The following NCKAP5L variants were observed in gnomAD, a reference collection of about 807,000 sequenced individuals.
The protein encoded by NCKAP5L is nck-associated protein 5-like.
NCKAP5L carries 54 observed loss-of-function variants against 103.2 expected under a neutral mutation model. The ratio of observed to expected loss-of-function variants is 0.52; its 90% CI spans 0.42 to 0.66. NCKAP5L has a LOEUF of 0.66. Among genes scored for constraint, NCKAP5L ranks in the 30% least tolerant of loss-of-function variants. NCKAP5L has a pLI of 0.00. For missense variants in NCKAP5L, 1,733 were observed against 1,750.6 expected, an observed-to-expected ratio of 0.99 and a Z score of 0.18; for synonymous variants, 762 against 748.6, an observed-to-expected ratio of 1.02 and a Z score of -0.29.
Position 49,797,252 on chromosome 12 carries a change from A to G in NCKAP5L, c.608T>C (p.Leu203Ser), listed in dbSNP as rs757296117. 5.7e-5 allele frequency: 92 copies of G among 1,613,520 alleles called. 1 individual carries two copies. In the South Asian group the frequency reaches 9.3e-4, roughly 16 times the overall value. ...GGGGGTGGCAGGTGAGCAGAGAAGC[A>G]AGGGGTCAGTCTCTTCCAGGGCTCT... The part of the protein sequence containing the change: ...VLRALEETDP[L>S]LLCSPATPWR... The change falls in exon 8 of 13, where the codon TTG becomes TCG. Residue 203 changes from leucine to serine, a missense_variant. Physicochemically the swap from Leu to Ser is moderately radical, Grantham distance 145. Transcript: ENST00000335999. The surrounding 1 kb of genome is among the most constrained non-coding windows in gnomAD (Gnocchi z 4.5).
At chr12:49,809,318 G>C (rs1375337157) in intron 1 of NCKAP5L, among the ~76,000 whole-genome samples, 1 of 152,162 alleles carries the variant, frequency 6.6e-6, no homozygotes, top group Non-Finnish European at 1.5e-5. Context: ...CCTGAACAGA[G>C]ACCAGGCATG....
rs1419940689 is a variant in NCKAP5L, at chr12:49,792,004, G to A, written c.3840C>T (p.Ser1280=). 1.9e-6 allele frequency: 3 copies of A among 1,582,300 alleles called. No individual in the cohort carries two copies. Among genetic ancestry groups the A allele is most frequent in the African/African-American group, 2.7e-5 (2 of 73,874 alleles). Residue 1280 remains serine (S), a synonymous_variant, in exon 13 of 13, where the codon TCC becomes TCT. Coordinates refer to ENST00000335999, the MANE Select transcript of NCKAP5L (RefSeq NM_001037806.4). This position sits in a 1 kb window ranked among gnomAD's most constrained non-coding sequence, Gnocchi z 4.5. ...RKRSQEPSRP[S]PTPQGPPFGG... Reference sequence around the variant, plus strand: ...CGAAAGGTGGGCCCTGGGGCGTAGGGGACGGGCGGCTGGGCTCCTGGCTTC... The same window carrying A: ...CGAAAGGTGGGCCCTGGGGCGTAGGAGACGGGCGGCTGGGCTCCTGGCTTC...
At position 49,792,194 on chromosome 12, in the gene NCKAP5L, A is replaced by C. The variant is rs1290625490; in HGVS notation, c.3793-143T>G. ...CCAAGGTGGGGTATACTTCAGAGGA[A>C]ACAGGCTGGAGGTACAACTGAGAAC... On this transcript the variant is annotated intron_variant, in intron 12 of 12. Transcript: ENST00000335999. The surrounding 1 kb of genome is among the most constrained non-coding windows in gnomAD (Gnocchi z 4.5). 2.9e-6 allele frequency: 3 copies of C among 1,041,570 alleles called. No individual in the cohort carries two copies. In the Admixed American group the frequency reaches 6.3e-5, roughly 22 times the overall value. The allele number at this position is 1,041,570 out of a possible 1,614,324, so 64.5% of individuals were successfully genotyped here.
chr12:49,797,412 G>A lies in NCKAP5L; in HGVS notation c.466-18C>T. 3 of 1,550,490 alleles carry A rather than the reference G, an allele frequency of 1.9e-6. No homozygotes were observed. Among genetic ancestry groups the A allele is most frequent in the Non-Finnish European group, 2.6e-6 (3 of 1,139,106 alleles). ...CAACATACCTTAGGGGAGAGATGATGGCATGAGGAGGAGACCACACACAGC... is the reference window on the plus strand; with the variant it reads ...CAACATACCTTAGGGGAGAGATGATAGCATGAGGAGGAGACCACACACAGC... On this transcript the variant is annotated intron_variant, in intron 7 of 12. Transcript: ENST00000335999. The surrounding 1 kb of genome is among the most constrained non-coding windows in gnomAD (Gnocchi z 4.5).
rs780880691 is a variant in NCKAP5L at position 49,795,927 on chromosome 12, G to A, written c.1933C>T (p.Pro645Ser). 2.6e-6 allele frequency: 4 copies of A among 1,527,566 alleles called. No homozygotes were observed. The African/African-American group carries it at 5.6e-5, about 21-fold the overall frequency. 94.6% of individuals were successfully genotyped at this position (1,527,566 alleles called of 1,614,324 possible). A position where few individuals can be genotyped will look rare whatever the true frequency, so the allele number is the denominator to read the frequency against. ...GGTCGCCGTCCTGACCCCTGGCTGG[G>A]CTTCTTGGATGAGTTGCCTGGGGTC... ...RRTPGNSSKKPSQGSGRRPGD... is the reference protein window; with the variant it reads ...RRTPGNSSKKSSQGSGRRPGD... The change falls in exon 8 of 13, where the codon CCC becomes TCC. Residue 645 changes from proline to serine, a missense_variant. Physicochemically the swap from Pro to Ser is moderately conservative, Grantham distance 74. Coordinates refer to ENST00000335999, the MANE Select transcript of NCKAP5L (RefSeq NM_001037806.4).
chr12:49,799,701 C>T (rs1261568824), intron 6 of NCKAP5L, among the ~76,000 whole-genome samples: 2 of 152,352 alleles, frequency 1.3e-5, no homozygotes, highest in African/African-American at 4.8e-5. Context: ...AACTCCTCTG[C>T]AGGCATTCCG....
At chr12:49,802,016 A>G in intron 5 of NCKAP5L, 49 bp from the exon 6 acceptor site, 1 of 1,604,332 alleles carries the variant, frequency 6.2e-7, no homozygotes, top group Non-Finnish European at 8.5e-7. Flanking sequence ...GGATGGTGGG[A>G]GAGTGTCACA....
In NCKAP5L at chr12:49,803,015, G is replaced by A. The variant is rs372660023; in HGVS notation, c.193-19C>T. The A allele has an allele frequency of 1.2e-5, 20 of 1,614,108 alleles. No individual in the cohort carries two copies. In the African/African-American group the frequency reaches 1.5e-4, roughly 12 times the overall value. ...TGGCAACCTGGGGACAGAAAGCCCCGAGGCAGAGCCATCAGCTGACCCCAG... is the reference window on the plus strand; with the variant it reads ...TGGCAACCTGGGGACAGAAAGCCCCAAGGCAGAGCCATCAGCTGACCCCAG... On this transcript the variant is annotated intron_variant, in intron 4 of 12. Coordinates refer to ENST00000335999, the MANE Select transcript of NCKAP5L (RefSeq NM_001037806.4).
rs778367098 is a variant in NCKAP5L, at chr12:49,791,831, G to A, written c.*8C>T. The stretch of plus-strand genomic sequence containing the variant: ...AGCTCCAGCGGGGCCGTGGCGTGGC[G>A]CAGCCCCTCAGCCCTGACTCCCACA... On this transcript the variant is annotated 3_prime_UTR_variant, in exon 13 of 13. Transcript: ENST00000335999. The A allele has an allele frequency of 1.7e-5, 27 of 1,579,454 alleles. No homozygotes were observed. The highest frequency in any genetic ancestry group is 8.9e-5 in the Admixed American group (5 of 56,194).
At chr12:49,821,287 G>A (rs1946359237) in intron 1 of NCKAP5L, among the ~76,000 whole-genome samples, 1 of 152,168 alleles carries the variant, frequency 6.6e-6, no homozygotes, top group Non-Finnish European at 1.5e-5. Context: ...AGCCTGGAAT[G>A]GAAAGAAAGC....
chr12:49,807,225 T>C (rs530861523), intron 1 of NCKAP5L, among the ~76,000 whole-genome samples: 1 of 151,016 alleles, frequency 6.6e-6, no homozygotes, highest in South Asian at 2.1e-4. Flanking sequence ...GGGATTACAG[T>C]GAAAAGAGAG....
At position 49,796,995 on chromosome 12, in the gene NCKAP5L, C is replaced by G; in HGVS notation, c.865G>C (p.Gly289Arg). The change falls in exon 8 of 13, where the codon GGC becomes CGC. Residue 289 changes from glycine (G) to arginine (R), a missense_variant. Gly to Arg is a moderately radical substitution (Grantham distance 125). Transcript: ENST00000335999. Reference protein sequence around the residue: ...GPPQAQGTSSGPNCAPGSSSS... With the variant: ...GPPQAQGTSSRPNCAPGSSSS... ...CTGCTGCCTGGGGCACAGTTTGGGC[C>G]AGAGCTGGTGCCCTGGGCCTGAGGA... 1 of 1,591,922 alleles carries G rather than the reference C, an allele frequency of 6.3e-7. No individual in the cohort carries two copies. Among genetic ancestry groups the G allele is most frequent in the Non-Finnish European group, 8.5e-7 (1 of 1,169,934 alleles).
chr12:49,803,906 A>G lies in NCKAP5L; in HGVS notation c.123+16T>C, dbSNP rs367869684. On this transcript the variant is annotated intron_variant, in intron 3 of 12. Transcript: ENST00000335999. ...TCTGGCTGGCACTGCTGCCCCTACC[A>G]CGCCCCATGCCGCACCTCCAGCTCC... is the stretch of plus-strand genomic sequence containing the variant. 23 of 1,602,734 alleles carry G rather than the reference A, an allele frequency of 1.4e-5. No individual in the cohort carries two copies. The African/African-American group carries it at 2.7e-4, about 19-fold the overall frequency.
rs775728486 is a variant in NCKAP5L at position 49,796,685 on chromosome 12, C to G, written c.1175G>C (p.Gly392Ala). ...GGGTPEAHRP[G>A]FGATSEGQGP... Reference sequence around the variant, plus strand: ...CTGGCCCTCTGAGGTAGCACCGAAGCCTGGCCTGTGGGCCTCTGGGGTACC... The same window carrying G: ...CTGGCCCTCTGAGGTAGCACCGAAGGCTGGCCTGTGGGCCTCTGGGGTACC... The change falls in exon 8 of 13, where the codon GGC (glycine) becomes GCC (alanine). Residue 392 changes from glycine to alanine, a missense_variant. Physicochemically the swap from Gly to Ala is moderately conservative, Grantham distance 60. Transcript: ENST00000335999. 1.3e-6 allele frequency: 2 copies of G among 1,591,000 alleles called. No individual in the cohort carries two copies. Among genetic ancestry groups the G allele is most frequent in the South Asian group, 2.3e-5 (2 of 88,416 alleles).
At chr12:49,825,768 A>C (rs1290761862) in intron 1 of NCKAP5L, among the ~76,000 whole-genome samples, 1 of 152,152 alleles carries the variant, frequency 6.6e-6, no homozygotes, top group African/African-American at 2.4e-5. Context: ...GGCCCAGGAG[A>C]GCCAGCAGAG....
intron 1 of NCKAP5L, among the ~76,000 whole-genome samples, chr12:49,811,249 AGCCCCACTGTCAGTCCAGCCTGGCAAT>A (rs1264682034): frequency 1.3e-5 from 2 of 152,194 alleles, no homozygotes; most frequent in Non-Finnish European, 2.9e-5. Context: ...AGGCCAGCTC[AGCCCCACTGTCAGTCCAGCCTGGCAAT>A]CCTGCCCAGC....
chr12:49,827,262 G>A (rs1276957027), intron 1 of NCKAP5L, among the ~76,000 whole-genome samples: 1 of 151,996 alleles, frequency 6.6e-6, no homozygotes, highest in African/African-American at 2.4e-5. Flanking sequence ...GCTTAAGAAG[G>A]AGGACCCATG....
Position 49,797,377 on chromosome 12 carries a change from C to T in NCKAP5L, c.483G>A (p.Gln161=). Residue 161 remains glutamine, a synonymous_variant, in exon 8 of 13, where the codon CAG becomes CAA. Coordinates refer to ENST00000335999, the MANE Select transcript of NCKAP5L (RefSeq NM_001037806.4). This position sits in a 1 kb window ranked among gnomAD's most constrained non-coding sequence, Gnocchi z 4.5. ...GGGGGCCTGGGCCTCCTGGCCTCAG[C>T]TGCTGCTCCCAACATACCTTAGGGG... ...AGQREVCWEQ[Q]LRPGGPGPPA... 1 of 1,606,836 alleles carries T rather than the reference C, an allele frequency of 6.2e-7. No homozygotes were observed. The highest frequency in any genetic ancestry group is 8.5e-7 in the Non-Finnish European group (1 of 1,177,312).
intron 1 of NCKAP5L, among the ~76,000 whole-genome samples, chr12:49,822,025 C>T (rs548576246): frequency 1.4e-4 from 21 of 152,248 alleles, no homozygotes; most frequent in African/African-American, 4.1e-4. Context: ...TGTGGGGCGG[C>T]GGGGCGGTGG....
Sources: gnomAD v4.1 joint callset for allele counts (sites outside exome capture counted in the v4.1 genomes callset) on GRCh38, gnomAD v4.1.1 for gene constraint, Gnocchi (gnomAD v3.1) non-coding constraint, MANE v1.5 for transcripts, NCBI Gene and HGNC (gene_info 2026-07-23, HGNC 2026-07-21) for gene names.